The following ACO2 variants were observed in gnomAD, a reference collection of about 807,000 sequenced individuals.
The protein encoded by ACO2 is aconitase 2.
Under a neutral mutation model 84.5 loss-of-function variants are expected in ACO2, and 31 were observed. The observed-to-expected ratio is 0.37, with a 90% CI of 0.28 to 0.50. The LOEUF is 0.50. Among genes scored for constraint, ACO2 ranks in the 20% least tolerant of loss-of-function variants. The probability of loss-of-function intolerance (pLI) is 0.97; values close to 1 mark genes in which losing one functional copy is unlikely to be tolerated. For missense variants in ACO2, 685 were observed against 1,029.3 expected, an observed-to-expected ratio of 0.67 and a Z score of 4.58; for synonymous variants, 414 against 412.7, an observed-to-expected ratio of 1.00 and a Z score of -0.04.
At chr22:41,522,741 T>C (rs978458179) in intron 9 of ACO2, 89 bp from the exon 10 acceptor site, 1 of 1,470,724 alleles carries the variant, frequency 6.8e-7, no homozygotes. Context: ...TGAACTCTTT[T>C]GGCCAAGTCT....
intron 4 of ACO2, among the ~76,000 whole-genome samples, chr22:41,514,744 G>A (rs1196469607): frequency 2.6e-5 from 4 of 152,244 alleles, no homozygotes; most frequent in Non-Finnish European, 2.9e-5. Context: ...GCGCCTCAGT[G>A]AAGGGAGTAC....
intron 2 of ACO2, among the ~76,000 whole-genome samples, chr22:41,503,716 C>A (rs899348485): frequency 6.6e-6 from 1 of 152,124 alleles, no homozygotes; most frequent in Admixed American, 6.5e-5. Context: ...TTGGTGATGT[C>A]TAGAGATATT....
chr22:41,513,414 C>T (rs893552333), intron 4 of ACO2, among the ~76,000 whole-genome samples: 33 of 152,344 alleles, frequency 2.2e-4, no homozygotes, highest in African/African-American at 7.0e-4. Flanking sequence ...CTTGATGTCA[C>T]GTCTTCAGCA....
intron 1 of ACO2, 100 bp from the exon 2 acceptor site, chr22:41,499,626 C>A: frequency 7.5e-7 from 1 of 1,339,612 alleles, no homozygotes; most frequent in Non-Finnish European, 1.0e-6. Flanking sequence ...CAGCTCTTGA[C>A]ACTTTAATTC....
At chr22:41,503,344 TGA>T (rs2066367297) in intron 2 of ACO2, among the ~76,000 whole-genome samples, 2 of 152,132 alleles carry the variant, frequency 1.3e-5, no homozygotes, top group Non-Finnish European at 1.5e-5. Flanking sequence ...TCTTTTTTTT[TGA>T]AACGGAGTCT....
chr22:41,518,616 T>C (rs1468350828), intron 8 of ACO2, 44 bp downstream of exon 8: 1 of 1,471,460 alleles, frequency 6.8e-7, no homozygotes, highest in South Asian at 1.1e-5. Flanking sequence ...CTGAGAGTAG[T>C]GGGGAGCAGG....
At chr22:41,506,020 C>T (rs1430817379) in intron 2 of ACO2, among the ~76,000 whole-genome samples, 3 of 151,976 alleles carry the variant, frequency 2.0e-5, no homozygotes, top group African/African-American at 7.3e-5. Flanking sequence ...CTGAGGAGAG[C>T]AGTTGCTTAT....
At position 41,515,788 on chromosome 22, in the gene ACO2, G is replaced by A. The variant is rs1336866956; in HGVS notation, c.706G>A (p.Gly236Ser). ...CCAGGTGATTGGCGTGAAGCTGACG[G>A]GCTCTCTCTCCGGTTGGTCCTCACC... The part of the protein sequence containing the change: ...CPKVIGVKLT[G>S]SLSGWSSPKD... Residue 236 changes from glycine (G) to serine (S), a missense_variant, in exon 6 of 18, where the codon GGC (glycine) becomes AGC (serine). Physicochemically the swap from Gly to Ser is moderately conservative, Grantham distance 56. This residue lies in a region of ACO2 where 311 missense variants were observed against 441.6 expected (regional missense o/e 0.70). Transcript: ENST00000216254. The surrounding 1 kb of genome is among the most constrained non-coding windows in gnomAD (Gnocchi z 5.8). The A allele has an allele frequency of 2.5e-6, 4 of 1,613,718 alleles. No homozygotes were observed. Among genetic ancestry groups the A allele is most frequent in the Non-Finnish European group, 3.4e-6 (4 of 1,180,038 alleles).
chr22:41,505,303 A>G (rs1181623961), intron 2 of ACO2, among the ~76,000 whole-genome samples: 1 of 152,054 alleles, frequency 6.6e-6, no homozygotes, highest in East Asian at 1.9e-4. Flanking sequence ...CTATAATCCC[A>G]GTTACTCAGA....
At chr22:41,500,521 A>G (rs1227193672) in intron 2 of ACO2, among the ~76,000 whole-genome samples, 1 of 151,360 alleles carries the variant, frequency 6.6e-6, no homozygotes, top group Non-Finnish European at 1.5e-5. Context: ...AGTAGCTGCA[A>G]TTACAGGCAC....
intron 1 of ACO2, among the ~76,000 whole-genome samples, chr22:41,479,277 G>A (rs1327152279): frequency 6.6e-6 from 1 of 152,148 alleles, no homozygotes; most frequent in African/African-American, 2.4e-5. Flanking sequence ...CTGGAGGAGC[G>A]GAGAAACGCA....
rs764571709 is a variant in ACO2, at chr22:41,527,444, C to T, written c.2086+24C>T. The T allele has an allele frequency of 7.5e-6, 12 of 1,590,694 alleles. No individual in the cohort carries two copies. The East Asian group carries it at 2.5e-4, about 33-fold the overall frequency. On this transcript the variant is annotated intron_variant, in intron 16 of 17. Coordinates refer to ENST00000216254, the MANE Select transcript of ACO2 (RefSeq NM_001098.3). ...CGGTGAGCTGGAGTCTGTACCCAGG[C>T]CATCCTCATCCCATCCCTAGTGATC...
chr22:41,520,571 A>C (rs1035083244), intron 9 of ACO2, among the ~76,000 whole-genome samples: 1 of 151,870 alleles, frequency 6.6e-6, no homozygotes, highest in African/African-American at 2.4e-5. Flanking sequence ...GGCCAGGGGC[A>C]GTGGCTCACA....
chr22:41,502,060 TACC>T (rs1469454793), intron 2 of ACO2, among the ~76,000 whole-genome samples: 4 of 152,060 alleles, frequency 2.6e-5, no homozygotes, highest in Non-Finnish European at 5.9e-5. Flanking sequence ...GTTGGGGAAA[TACC>T]CTAAGGCCAT....
At chr22:41,480,873 TG>T (rs1242131297) in intron 1 of ACO2, among the ~76,000 whole-genome samples, 2 of 152,150 alleles carry the variant, frequency 1.3e-5, no homozygotes, top group Non-Finnish European at 2.9e-5. Context: ...TGCAGTACAG[TG>T]GCTCGATCTT....
At chr22:41,471,269 G>C (rs1178196875) in intron 1 of ACO2, among the ~76,000 whole-genome samples, 1 of 152,154 alleles carries the variant, frequency 6.6e-6, no homozygotes, top group Non-Finnish European at 1.5e-5. Flanking sequence ...AGCAGAGTCA[G>C]GATTAAAATC....
chr22:41,494,133 G>A lies in ACO2; in HGVS notation c.37-5593G>A, dbSNP rs115876088. ...GAAAGCAGAACGGCACAGTGATTAA[G>A]GGTGAAATGTGTAGCTGATTTCATT... On this transcript the variant is annotated intron_variant, in intron 1 of 17. Coordinates refer to ENST00000216254, the MANE Select transcript of ACO2 (RefSeq NM_001098.3). 7.5e-3 allele frequency among the ~76,000 whole-genome samples: 1,144 copies of A among 152,322 alleles called. 10 individuals are homozygous for A. Among genetic ancestry groups the A allele is most frequent in the African/African-American group, 0.027 (1,104 of 41,568 alleles).
chr22:41,490,876 T>G (rs1186986425), intron 1 of ACO2, among the ~76,000 whole-genome samples: 1 of 151,952 alleles, frequency 6.6e-6, no homozygotes, highest in Non-Finnish European at 1.5e-5. Flanking sequence ...ACACCTCCTG[T>G]GTATCGGGCT....
chr22:41,503,033 A>G (rs1318538644), intron 2 of ACO2, among the ~76,000 whole-genome samples: 1 of 152,230 alleles, frequency 6.6e-6, no homozygotes, highest in African/African-American at 2.4e-5. Context: ...GGCCTGAGCC[A>G]CTGTGCCCAG....
Sources: gnomAD v4.1 joint callset for allele counts (sites outside exome capture counted in the v4.1 genomes callset) on GRCh38, gnomAD v4.1.1 for gene constraint, gnomAD v4.1.1 regional missense constraint, Gnocchi (gnomAD v3.1) non-coding constraint, MANE v1.5 for transcripts, NCBI Gene and HGNC (gene_info 2026-07-23, HGNC 2026-07-21) for gene names.